Variants in PIK3C3 observed in about 807,000 individuals in gnomAD.
PIK3C3 encodes the protein phosphatidylinositol 3-kinase catalytic subunit type 3, also known as PI3-kinase type 3.
In PIK3C3, 95 loss-of-function variants were observed where a neutral mutation model predicts 126.1. The observed-to-expected ratio is 0.75, with a 90% confidence interval of 0.64 to 0.89. The LOEUF is 0.89. PIK3C3 is among the 40% of genes least tolerant of loss of function. The probability of loss-of-function intolerance (pLI) is 0.00; values close to 1 mark genes in which losing one functional copy is unlikely to be tolerated. For missense variants in PIK3C3, 829 were observed against 1,063.2 expected (o/e 0.78, Z 3.06); for synonymous variants, 374 against 360.0 (o/e 1.04, Z -0.44).
chr18:42,047,378 C>T lies in PIK3C3; in HGVS notation c.2189-2153C>T, dbSNP rs372663151. On this transcript the variant is annotated intron_variant, in intron 20 of 24. Transcript: ENST00000262039. Reference sequence around the variant, plus strand: ...TTAGAGAACCTAAGTGTACTAAGTTCTCATATGTTCTCAGGGTATTGTACT... The same window carrying T: ...TTAGAGAACCTAAGTGTACTAAGTTTTCATATGTTCTCAGGGTATTGTACT... Among the ~76,000 whole-genome samples, 24 of 152,172 alleles carry T rather than the reference C, an allele frequency of 1.6e-4. No homozygotes were observed. In the East Asian group the frequency reaches 3.3e-3, roughly 21 times the overall value.
intron 21 of PIK3C3, among the ~76,000 whole-genome samples, chr18:42,054,587 T>C (rs553405776): frequency 4.8e-4 from 73 of 152,184 alleles, no homozygotes; most frequent in Non-Finnish European, 9.7e-4. Context: ...GCTTCTATCC[T>C]GATTTTCTGT....
chr18:42,020,746 T>G (rs777000920), intron 13 of PIK3C3, 41 bp downstream of exon 13: 26 of 1,113,532 alleles, frequency 2.3e-5, no homozygotes, highest in Non-Finnish European at 3.1e-5. Context: ...TTATTACCCT[T>G]AAGAATTATT....
chr18:41,995,873 T>A lies in PIK3C3; in HGVS notation c.787-17T>A. On this transcript the variant is annotated splice_polypyrimidine_tract_variant and intron_variant, in intron 7 of 24. Coordinates refer to ENST00000262039, the MANE Select transcript of PIK3C3 (RefSeq NM_002647.4). ...TTGGTGAAGTTTACATTGTCAATATTTTAAAATAATTTGTAGGAGAATTTA... is the reference window on the plus strand; with the variant it reads ...TTGGTGAAGTTTACATTGTCAATATATTAAAATAATTTGTAGGAGAATTTA... The A allele has an allele frequency of 6.4e-6, 10 of 1,566,976 alleles. No individual in the cohort carries two copies. Among genetic ancestry groups the A allele is most frequent in the Non-Finnish European group, 8.8e-6 (10 of 1,137,944 alleles).
At chr18:42,011,329 G>C (rs760902370) in intron 10 of PIK3C3, among the ~76,000 whole-genome samples, 3 of 152,200 alleles carry the variant, frequency 2.0e-5, no homozygotes, top group Admixed American at 6.5e-5. Flanking sequence ...GTGTAGTATA[G>C]TCACCTGCAT....
chr18:42,037,835 A>G lies in PIK3C3; in HGVS notation c.1968+15A>G, dbSNP rs1198415217. On this transcript the variant is annotated intron_variant, in intron 17 of 24. Coordinates refer to ENST00000262039, the MANE Select transcript of PIK3C3 (RefSeq NM_002647.4). ...TCATGGACAAGGTGAACATGACCTTATGTTGGTGGGGAACATTTTTTTCGT... is the reference window on the plus strand; with the variant it reads ...TCATGGACAAGGTGAACATGACCTTGTGTTGGTGGGGAACATTTTTTTCGT... 2.5e-6 allele frequency: 4 copies of G among 1,593,496 alleles called. No individual in the cohort carries two copies. The highest frequency in any genetic ancestry group is 2.7e-5 in the African/African-American group (2 of 74,368).
intron 22 of PIK3C3, among the ~76,000 whole-genome samples, chr18:42,064,016 C>G (rs529427650): frequency 6.4e-4 from 98 of 152,202 alleles, no homozygotes; most frequent in African/African-American, 2.3e-3. Flanking sequence ...AAAACTTTCC[C>G]CAGAAGGCCC....
chr18:42,013,113 CTTTTTTT>C (rs67564071), intron 10 of PIK3C3, among the ~76,000 whole-genome samples: 1 of 136,822 alleles, frequency 7.3e-6, no homozygotes, highest in Admixed American at 7.3e-5. Context: ...ATCCTTCCCA[CTTTTTTT>C]TTTTTTTTTT....
At position 42,077,016 on chromosome 18, in the gene PIK3C3, C is replaced by T. The variant is rs907411711; in HGVS notation, c.2650-4107C>T. Among the ~76,000 whole-genome samples the T allele has an allele frequency of 2.0e-5, 3 of 152,160 alleles. No individual in the cohort carries two copies. The South Asian group carries it at 6.2e-4, about 32-fold the overall frequency. On this transcript the variant is annotated intron_variant, in intron 24 of 24. Transcript: ENST00000262039. ...TTCAAAGTATTTGGGAAAAAGAAGG[C>T]ATACCTTAAAGATTTTTTGATCTGA...
At chr18:42,081,045 T>A (rs1330458635) in intron 24 of PIK3C3, 78 bp from the exon 25 acceptor site, 10 of 851,844 alleles carry the variant, frequency 1.2e-5, no homozygotes, top group African/African-American at 1.0e-4. Flanking sequence ...TAGTCTTTTT[T>A]AAAACTATAG....
chr18:41,975,920 TTGAACTCC>T (rs1980898522), intron 4 of PIK3C3, among the ~76,000 whole-genome samples: 1 of 152,286 alleles, frequency 6.6e-6, no homozygotes, highest in African/African-American at 2.4e-5. Flanking sequence ...CAGGCTGGTC[TTGAACTCC>T]TGACCTCGTG....
chr18:41,993,422 A>G, intron 7 of PIK3C3, 81 bp downstream of exon 7: 4 of 885,072 alleles, frequency 4.5e-6, no homozygotes, highest in Non-Finnish European at 7.4e-6. Flanking sequence ...ACTTTCTTTA[A>G]ACAAAGTAAT....
intron 4 of PIK3C3, among the ~76,000 whole-genome samples, chr18:41,980,808 T>G (rs1981160785): frequency 6.6e-6 from 1 of 152,180 alleles, no homozygotes; most frequent in Non-Finnish European, 1.5e-5. Flanking sequence ...AATGTATGTG[T>G]TTTAGAGGAA....
chr18:42,031,971 T>C (rs543917580), intron 15 of PIK3C3, among the ~76,000 whole-genome samples: 6 of 152,210 alleles, frequency 3.9e-5, no homozygotes, highest in Non-Finnish European at 8.8e-5. Flanking sequence ...AAATAAAATG[T>C]ATATAGTGTG....
At chr18:42,056,762 T>A (rs189655560) in intron 21 of PIK3C3, among the ~76,000 whole-genome samples, 148 of 152,282 alleles carry the variant, frequency 9.7e-4, no homozygotes, top group African/African-American at 3.2e-3. Flanking sequence ...AAATTGATCA[T>A]GGACTTTTCA....
At chr18:41,998,297 G>T (rs765260566) in intron 9 of PIK3C3, among the ~76,000 whole-genome samples, 21 of 152,116 alleles carry the variant, frequency 1.4e-4, no homozygotes, top group Non-Finnish European at 2.2e-4. Context: ...ACAGGTTTGT[G>T]ATTTGTGTTT....
rs1405796047 is a variant in PIK3C3 at position 41,957,763 on chromosome 18, G to GT, written c.257+12dup. The GT allele has an allele frequency of 8.7e-6, 14 of 1,605,066 alleles. No individual in the cohort carries two copies. Among genetic ancestry groups the GT allele is most frequent in the African/African-American group, 1.3e-5 (1 of 74,108 alleles). ...AGCATTTAGTACAAGATGGAAGTAA[G>GT]TTTTTTTGTGGCATATGGTATGTTA... On this transcript the variant is annotated splice_donor_region_variant and intron_variant, in intron 2 of 24. Coordinates refer to ENST00000262039, the MANE Select transcript of PIK3C3 (RefSeq NM_002647.4).
intron 18 of PIK3C3, among the ~76,000 whole-genome samples, chr18:42,039,960 A>G (rs922599293): frequency 6.6e-6 from 1 of 152,182 alleles, no homozygotes; most frequent in African/African-American, 2.4e-5. Context: ...ACAGGGGTAT[A>G]TAATCTCCTA....
chr18:41,981,868 C>T (rs537413735), intron 4 of PIK3C3, among the ~76,000 whole-genome samples: 132 of 150,554 alleles, frequency 8.8e-4, no homozygotes, highest in African/African-American at 3.1e-3. Context: ...CCCAGCTACT[C>T]GGGAGGCTGA....
chr18:42,054,732 AAGTTACATAATATGCC>A (rs1413451914), intron 21 of PIK3C3, among the ~76,000 whole-genome samples: 3 of 152,138 alleles, frequency 2.0e-5, no homozygotes, highest in African/African-American at 7.2e-5. Context: ...GACTTTGGGT[AAGTTACATAATATGCC>A]AGTAACTCAG....
Sources: allele counts gnomAD v4.1 joint callset (sites outside exome capture counted in the v4.1 genomes callset), GRCh38; gene constraint gnomAD v4.1.1; transcripts MANE v1.5; gene names NCBI Gene and HGNC (gene_info 2026-07-23, HGNC 2026-07-21).